SYT7: variants seen among roughly 807,000 people sequenced by gnomAD.
The protein encoded by SYT7 is synaptotagmin 7, also known as synaptotagmin-7.
A neutral mutation model predicts 75.1 loss-of-function variants in SYT7; 29 were observed. The ratio of observed to expected loss-of-function variants is 0.39; its 90% CI spans 0.29 to 0.53. The LOEUF is 0.53. SYT7 is among the 20% of genes least tolerant of loss of function. SYT7 has a pLI of 0.77. For synonymous variants in SYT7, 376 were observed against 401.7 expected (o/e 0.94, Z 0.76); for missense variants, 693 against 953.2 (o/e 0.73, Z 3.59).
At chr11:61,548,665 G>T (rs1775895022) in intron 3 of SYT7, among the ~76,000 whole-genome samples, 1 of 152,126 alleles carries the variant, frequency 6.6e-6, no homozygotes, top group Non-Finnish European at 1.5e-5. Flanking sequence ...GTGCCAGCGG[G>T]GGCACACCCC....
intron 1 of SYT7, among the ~76,000 whole-genome samples, chr11:61,566,790 T>C (rs1245567463): frequency 3.3e-5 from 5 of 152,236 alleles, no homozygotes; most frequent in South Asian, 4.1e-4. Context: ...TTATTAATAA[T>C]ACACGCTGCA....
In SYT7 at chr11:61,528,186, CTGGGGG is replaced by C; in HGVS notation, c.1201-7_1201-2del. ...CATCCTCCTCGGAGCCTGGGGAGAG[CTGGGGG>C]TGGGGGAGAGGCCGGCAGGGTTTGG... On this transcript the variant is annotated splice_acceptor_variant and splice_polypyrimidine_tract_variant and intron_variant, in intron 8 of 12. Transcript: ENST00000539008. LOFTEE classifies it high-confidence loss of function. 6.2e-7 allele frequency: 1 copy of C among 1,610,438 alleles called. No individual in the cohort carries two copies. Among genetic ancestry groups the C allele is most frequent in the Non-Finnish European group, 8.5e-7 (1 of 1,179,694 alleles).
At chr11:61,538,790 G>A (rs562134377) in intron 6 of SYT7, among the ~76,000 whole-genome samples, 4 of 152,306 alleles carry the variant, frequency 2.6e-5, no homozygotes, top group East Asian at 1.9e-4. Context: ...ATCCTGCACC[G>A]GCACCGCGCA....
chr11:61,547,325 A>G lies in SYT7; in HGVS notation c.216-17T>C. 1 of 1,535,050 alleles carries G rather than the reference A, an allele frequency of 6.5e-7. No individual in the cohort carries two copies. Among genetic ancestry groups the G allele is most frequent in the Non-Finnish European group, 8.7e-7 (1 of 1,146,318 alleles). ...TCTAGATCACTGGAGGGGCAGAGAG[A>G]GAGGGGAGAAAACAGGGAGATACAA... On this transcript the variant is annotated splice_polypyrimidine_tract_variant and intron_variant, in intron 3 of 12. Transcript: ENST00000539008.
chr11:61,588,268 G>T, the SYT7 span, among the ~76,000 whole-genome samples: 195 of 152,314 alleles, frequency 1.3e-3, 1 homozygote, highest in Non-Finnish European at 2.2e-3. Context: ...CAGAGCAGCC[G>T]GCAGCACTTA....
chr11:61,574,877 G>A (rs1171069268), intron 1 of SYT7, among the ~76,000 whole-genome samples: 1 of 152,070 alleles, frequency 6.6e-6, no homozygotes, highest in Non-Finnish European at 1.5e-5. Context: ...AGCTGCCGCG[G>A]CAGGGTTTGA....
Position 61,556,149 on chromosome 11 carries a change from G to A in SYT7, c.90C>T (p.Val30=). The change falls in exon 2 of 13, where the codon GTC becomes GTT. Residue 30 remains valine (V), a synonymous_variant. Coordinates refer to ENST00000539008, the MANE Select transcript of SYT7 (RefSeq NM_001365809.2). ...VSAIITVSLS[V]TVVLCGLCHW... is the part of the protein sequence containing the mutation. The stretch of plus-strand genomic sequence containing the variant: ...GGCAGAGGCCGCAGAGGACGACAGT[G>A]ACGCTAAGGCTGACGGTGATGATGG... 1 of 1,614,056 alleles carries A rather than the reference G, an allele frequency of 6.2e-7. No individual in the cohort carries two copies. The highest frequency in any genetic ancestry group is 8.5e-7 in the Non-Finnish European group (1 of 1,179,972).
Position 61,534,289 on chromosome 11 carries a change from G to A in SYT7, c.1065-1165C>T, listed in dbSNP as rs1304997568. Among the ~76,000 whole-genome samples, 6 of 152,342 alleles carry A rather than the reference G, an allele frequency of 3.9e-5. 1 individual carries two copies. Among genetic ancestry groups the A allele is most frequent in the Non-Finnish European group, 5.9e-5 (4 of 68,024 alleles). Reference sequence around the variant, plus strand: ...CAGCCTCCAGCACACAGGTGACCACGACAGGCACAGACAGACATGCATGGA... The same window carrying A: ...CAGCCTCCAGCACACAGGTGACCACAACAGGCACAGACAGACATGCATGGA... On this transcript the variant is annotated intron_variant, in intron 7 of 12. Coordinates refer to ENST00000539008, the MANE Select transcript of SYT7 (RefSeq NM_001365809.2).
At chr11:61,528,818 C>T (rs570103467) in intron 8 of SYT7, among the ~76,000 whole-genome samples, 5 of 152,262 alleles carry the variant, frequency 3.3e-5, no homozygotes, top group Middle Eastern at 3.4e-3. Context: ...AGCAGTTTGA[C>T]GATGGGGCTG....
In SYT7 at chr11:61,546,628, C is replaced by T. The variant is rs573343601; in HGVS notation, c.348-373G>A. 6.3e-6 allele frequency: 3 copies of T among 474,862 alleles called. No individual in the cohort carries two copies. The highest frequency in any genetic ancestry group is 5.9e-5 in the African/African-American group (3 of 50,986). 29.4% of individuals were successfully genotyped at this position (474,862 alleles called of 1,614,324 possible). On this transcript the variant is annotated intron_variant, in intron 4 of 12. Coordinates refer to ENST00000539008, the MANE Select transcript of SYT7 (RefSeq NM_001365809.2). This position sits in a 1 kb window ranked among gnomAD's most constrained non-coding sequence, Gnocchi z 7.6. ...CCACCTCCAACTCTATCCCACAGGA[C>T]AACGAAGGGTTAACGACGGAGGAAG...
intron 2 of SYT7, among the ~76,000 whole-genome samples, chr11:61,554,308 CCA>C (rs138109850): frequency 2.0e-5 from 3 of 151,684 alleles, no homozygotes; most frequent in South Asian, 4.2e-4. Flanking sequence ...ACACCCACAC[CCA>C]CACACACACA....
intron 1 of SYT7, among the ~76,000 whole-genome samples, chr11:61,557,814 G>A (rs543454067): frequency 1.1e-4 from 17 of 152,328 alleles, no homozygotes; most frequent in Admixed American, 3.9e-4. Flanking sequence ...CTGGGCTGAG[G>A]AGCACAGCTC....
chr11:61,574,783 G>T (rs981069309), intron 1 of SYT7, among the ~76,000 whole-genome samples: 8 of 152,100 alleles, frequency 5.3e-5, no homozygotes, highest in African/African-American at 1.9e-4. Flanking sequence ...TGCCAGCCAT[G>T]CTGGCCGCCG....
chr11:61,524,620 C>T lies in SYT7; in HGVS notation c.1472-88G>A. On this transcript the variant is annotated intron_variant, in intron 9 of 12. Coordinates refer to ENST00000539008, the MANE Select transcript of SYT7 (RefSeq NM_001365809.2). The surrounding 1 kb of genome is among the most constrained non-coding windows in gnomAD (Gnocchi z 4.1). ...CAAGGAAGGCCCTGGGAAGAGGAGG[C>T]AGGCCCTGTGCCCTCCCGCTGCCAC... 1 of 1,381,268 alleles carries T rather than the reference C, an allele frequency of 7.2e-7. No homozygotes were observed. Among genetic ancestry groups the T allele is most frequent in the East Asian group, 2.4e-5 (1 of 41,578 alleles). 85.6% of individuals were successfully genotyped at this position (1,381,268 alleles called of 1,614,324 possible). A position where few individuals can be genotyped will look rare whatever the true frequency, so the allele number is the denominator to read the frequency against.
rs544775163 is a variant in SYT7, at chr11:61,556,143, G to A, written c.96C>T (p.Val32=). 2 of 1,614,000 alleles carry A rather than the reference G, an allele frequency of 1.2e-6. No homozygotes were observed. Among genetic ancestry groups the A allele is most frequent in the Admixed American group, 3.3e-5 (2 of 60,006 alleles). Residue 32 remains valine, a synonymous_variant, in exon 2 of 13, where the codon GTC becomes GTT. Coordinates refer to ENST00000539008, the MANE Select transcript of SYT7 (RefSeq NM_001365809.2). The part of the protein sequence containing the change: ...AIITVSLSVT[V]VLCGLCHWCQ... ...ACCAGTGGCAGAGGCCGCAGAGGAC[G>A]ACAGTGACGCTAAGGCTGACGGTGA...
At chr11:61,534,325 C>T (rs1485837664) in intron 7 of SYT7, among the ~76,000 whole-genome samples, 1 of 152,178 alleles carries the variant, frequency 6.6e-6, no homozygotes, top group East Asian at 1.9e-4. Flanking sequence ...ATATGCCAGG[C>T]CCTGGAGGGG....
chr11:61,540,294 C>G (rs1024524594), intron 6 of SYT7: 4 of 166,588 alleles, frequency 2.4e-5, no homozygotes, highest in African/African-American at 9.6e-5. Context: ...TCGCCACCTG[C>G]CTCTCTACTG....
the SYT7 span, among the ~76,000 whole-genome samples, chr11:61,587,510 G>A: frequency 2.0e-5 from 3 of 152,236 alleles, no homozygotes; most frequent in Non-Finnish European, 4.4e-5. Context: ...GAGGGCAGGA[G>A]CCAGAATCCA....
intron 1 of SYT7, among the ~76,000 whole-genome samples, chr11:61,577,239 G>A (rs2064109441): frequency 1.3e-5 from 2 of 152,214 alleles, no homozygotes; most frequent in Admixed American, 6.5e-5. Flanking sequence ...ACCCCCTCTG[G>A]GTTTTAGACT....
Sources: allele counts gnomAD v4.1 joint callset (sites outside exome capture counted in the v4.1 genomes callset), GRCh38; gene constraint gnomAD v4.1.1; non-coding constraint Gnocchi (gnomAD v3.1); transcripts MANE v1.5; gene names NCBI Gene and HGNC (gene_info 2026-07-23, HGNC 2026-07-21).